The following FOXN3 variants were observed in gnomAD, a reference collection of about 807,000 sequenced individuals.
FOXN3 encodes forkhead box N3.
Under a neutral mutation model 38.4 loss-of-function variants are expected in FOXN3, and 7 were observed. The ratio of observed to expected loss-of-function variants is 0.18; its 90% CI spans 0.10 to 0.34. The LOEUF (loss-of-function observed/expected upper bound fraction) is 0.34. Ranked by LOEUF, FOXN3 falls within the 10% of genes least tolerant of loss-of-function variation. The pLI, the probability that FOXN3 is intolerant of heterozygous loss-of-function variation, is 1.00. For missense variants in FOXN3, 456 were observed against 613.4 expected, an observed-to-expected ratio of 0.74 and a Z score of 2.71; for synonymous variants, 230 against 242.2, an observed-to-expected ratio of 0.95 and a Z score of 0.47.
chr14:89,453,183 G>A (rs1473343782), intron 1 of FOXN3, among the ~76,000 whole-genome samples: 1 of 149,342 alleles, frequency 6.7e-6, no homozygotes, highest in Non-Finnish European at 1.5e-5. Flanking sequence ...TGGGAGACAA[G>A]AGGAAAACTC....
At chr14:89,303,648 G>A (rs983951947) in intron 3 of FOXN3, among the ~76,000 whole-genome samples, 9 of 152,110 alleles carry the variant, frequency 5.9e-5, no homozygotes, top group African/African-American at 1.4e-4. Flanking sequence ...TCTCTTCATT[G>A]CCATGATGCT....
chr14:89,482,940 G>A (rs1893368822), intron 1 of FOXN3, among the ~76,000 whole-genome samples: 1 of 150,876 alleles, frequency 6.6e-6, no homozygotes, highest in Non-Finnish European at 1.5e-5. Flanking sequence ...CAGTGCAGTG[G>A]CTCACACCTA....
At chr14:89,453,872 T>C (rs1892668422) in intron 1 of FOXN3, among the ~76,000 whole-genome samples, 1 of 152,092 alleles carries the variant, frequency 6.6e-6, no homozygotes, top group Non-Finnish European at 1.5e-5. Context: ...AGGTTTTGTG[T>C]CCCCCAAAAT....
At chr14:89,492,252 G>A (rs534898561) in intron 1 of FOXN3, among the ~76,000 whole-genome samples, 3 of 152,164 alleles carry the variant, frequency 2.0e-5, no homozygotes, top group African/African-American at 4.8e-5. Flanking sequence ...CCAAGCACAC[G>A]TGGGATCATG....
At chr14:89,401,725 T>C (rs1891252724) in intron 2 of FOXN3, 19 of 452,466 alleles carry the variant, frequency 4.2e-5, no homozygotes, top group South Asian at 3.0e-4. Flanking sequence ...TTCTGTCTAA[T>C]GACATTAGTT....
chr14:89,599,744 A>C (rs1896123100), intron 1 of FOXN3, among the ~76,000 whole-genome samples: 1 of 152,070 alleles, frequency 6.6e-6, no homozygotes, highest in Admixed American at 6.6e-5. Flanking sequence ...ACTAATCTGA[A>C]ATTATTTGAG....
At chr14:89,249,661 A>G (rs1390869215) in intron 4 of FOXN3, among the ~76,000 whole-genome samples, 2 of 152,234 alleles carry the variant, frequency 1.3e-5, no homozygotes, top group Non-Finnish European at 2.9e-5. Flanking sequence ...CTGTAGAGGA[A>G]GGTCTCATAG....
chr14:89,459,856 A>G (rs992623698), intron 1 of FOXN3, among the ~76,000 whole-genome samples: 9 of 152,188 alleles, frequency 5.9e-5, no homozygotes, highest in African/African-American at 2.2e-4. Flanking sequence ...TGGGTGCCCA[A>G]GGCCAGATGA....
At chr14:89,542,412 C>T (rs1894807012) in intron 1 of FOXN3, among the ~76,000 whole-genome samples, 1 of 152,152 alleles carries the variant, frequency 6.6e-6, no homozygotes, top group Non-Finnish European at 1.5e-5. Flanking sequence ...CAAATCTCAG[C>T]CTCATTTTCC....
At chr14:89,171,911 T>A (rs1035997647) in intron 5 of FOXN3, among the ~76,000 whole-genome samples, 3 of 152,026 alleles carry the variant, frequency 2.0e-5, no homozygotes, top group Non-Finnish European at 4.4e-5. Flanking sequence ...ATACAATAAT[T>A]AGGGAAAAAA....
chr14:89,616,069 A>G (rs1253104122), intron 1 of FOXN3, among the ~76,000 whole-genome samples: 1 of 152,232 alleles, frequency 6.6e-6, no homozygotes, highest in Non-Finnish European at 1.5e-5. Flanking sequence ...AAATCTGAAG[A>G]CTGCCATTAA....
intron 3 of FOXN3, among the ~76,000 whole-genome samples, chr14:89,327,536 A>G (rs1453584733): frequency 6.6e-6 from 1 of 152,220 alleles, no homozygotes; most frequent in Admixed American, 6.5e-5. Flanking sequence ...TAATGGTAAA[A>G]GGCACCTCTA....
Position 89,427,044 on chromosome 14 carries a change from C to T in FOXN3, c.-14-14554G>A, listed in dbSNP as rs553366946. On this transcript the variant is annotated intron_variant, in intron 1 of 6. Transcript: ENST00000345097. ...GTCAGGAGTTCGAGACCAGCCTGGC[C>T]AACATGGTGAAACTCTGTTACTAAA... Among the ~76,000 whole-genome samples the T allele has an allele frequency of 4.0e-3, 605 of 151,696 alleles. 3 individuals carry two copies. Among genetic ancestry groups the T allele is most frequent in the African/African-American group, 0.014 (585 of 41,368 alleles).
chr14:89,513,160 A>AAG, intron 1 of FOXN3, among the ~76,000 whole-genome samples: 1 of 150,728 alleles, frequency 6.6e-6, no homozygotes, highest in East Asian at 1.9e-4. Flanking sequence ...GAAAAAAAAA[A>AAG]AAAAAAAAAG....
At chr14:89,235,132 CTG>C (rs1884943054) in intron 4 of FOXN3, among the ~76,000 whole-genome samples, 1 of 152,116 alleles carries the variant, frequency 6.6e-6, no homozygotes, top group South Asian at 2.1e-4. Flanking sequence ...TAGGAGGTGA[CTG>C]TAAGTATGTG....
chr14:89,538,268 A>C (rs546043738), intron 1 of FOXN3, among the ~76,000 whole-genome samples: 2 of 152,312 alleles, frequency 1.3e-5, no homozygotes, highest in East Asian at 3.9e-4. Flanking sequence ...AAGATGTTAA[A>C]ACCCAGTTCC....
chr14:89,220,971 A>G (rs1884444154), intron 4 of FOXN3, among the ~76,000 whole-genome samples: 1 of 152,056 alleles, frequency 6.6e-6, no homozygotes, highest in Non-Finnish European at 1.5e-5. Context: ...AGGTGTTCAA[A>G]CCCTGAAGCT....
intron 3 of FOXN3, among the ~76,000 whole-genome samples, chr14:89,296,366 C>T (rs1261881723): frequency 6.6e-6 from 1 of 152,240 alleles, no homozygotes; most frequent in African/African-American, 2.4e-5. Flanking sequence ...AAAACACCCA[C>T]ATTTACTTTT....
rs145700251 is a variant in FOXN3, at chr14:89,194,798, A to T, written c.746-13992T>A. On this transcript the variant is annotated intron_variant, in intron 4 of 5. Transcript: ENST00000557258. ...CTTACTTTCAAAATCATACTTTCTT[A>T]TATATATGTCCAAAAATTATGTATG... Among the ~76,000 whole-genome samples, 39 of 152,060 alleles carry T rather than the reference A, an allele frequency of 2.6e-4. No homozygotes were observed. The East Asian group carries it at 7.3e-3, about 29-fold the overall frequency.
Sources: gnomAD v4.1 joint callset for allele counts (sites outside exome capture counted in the v4.1 genomes callset) on GRCh38, gnomAD v4.1.1 for gene constraint, MANE v1.5 for transcripts, NCBI Gene and HGNC (gene_info 2026-07-23, HGNC 2026-07-21) for gene names.